The following YPEL2 variants were observed in gnomAD, a reference collection of about 807,000 sequenced individuals.
YPEL2 encodes the protein yippee like 2, also known as protein yippee-like 2.
YPEL2 carries 2 observed loss-of-function variants against 19.1 expected under a neutral mutation model. That is an observed-to-expected ratio of 0.10 (90% CI 0.04 to 0.33). The LOEUF (loss-of-function observed/expected upper bound fraction) is 0.33, where lower values mean the gene tolerates loss of function less well. Among genes scored for constraint, YPEL2 ranks in the 10% least tolerant of loss-of-function variants. YPEL2 has a pLI of 1.00. For synonymous variants in YPEL2, 52 were observed against 50.0 expected (o/e 1.04, Z -0.17); for missense variants, 66 against 140.7 (o/e 0.47, Z 2.68).
chr17:59,363,723 A>G (rs549546579), intron 2 of YPEL2, among the ~76,000 whole-genome samples: 1 of 152,232 alleles, frequency 6.6e-6, no homozygotes, highest in Non-Finnish European at 1.5e-5. Flanking sequence ...GATTAAGGCC[A>G]TAGGTTACCA....
chr17:59,347,645 G>A (rs992758345), intron 1 of YPEL2, among the ~76,000 whole-genome samples: 1 of 152,216 alleles, frequency 6.6e-6, no homozygotes, highest in African/African-American at 2.4e-5. Context: ...CCTCTTAGAA[G>A]GACCTCAATA....
chr17:59,338,705 T>G (rs985017900), intron 1 of YPEL2, among the ~76,000 whole-genome samples: 2 of 152,184 alleles, frequency 1.3e-5, no homozygotes. Context: ...GGGAGTGGAC[T>G]GTGACTTCCT....
intron 1 of YPEL2, among the ~76,000 whole-genome samples, chr17:59,351,323 C>G (rs1045383171): frequency 1.3e-5 from 2 of 151,810 alleles, no homozygotes; most frequent in Non-Finnish European, 2.9e-5. Context: ...TGCCGTGAGC[C>G]GAGATCATGC....
intron 4 of YPEL2, among the ~76,000 whole-genome samples, chr17:59,389,937 G>A (rs1464880941): frequency 6.6e-6 from 1 of 152,078 alleles, no homozygotes; most frequent in Non-Finnish European, 1.5e-5. Context: ...CTCAAAGGAC[G>A]TGACCATGTA....
chr17:59,334,315 G>C (rs940392018), intron 1 of YPEL2, among the ~76,000 whole-genome samples: 6 of 148,224 alleles, frequency 4.0e-5, no homozygotes, highest in African/African-American at 1.5e-4. Context: ...TGAAGAAGAG[G>C]TTGATTTTGT....
At chr17:59,333,542 C>G (rs184452480) in intron 1 of YPEL2, among the ~76,000 whole-genome samples, 1 of 152,162 alleles carries the variant, frequency 6.6e-6, no homozygotes, top group Admixed American at 6.5e-5. Context: ...GCATACAGGT[C>G]TGTAACTGAA....
chr17:59,332,150 G>A (rs559113663), intron 1 of YPEL2, among the ~76,000 whole-genome samples: 1 of 152,212 alleles, frequency 6.6e-6, no homozygotes, highest in Admixed American at 6.5e-5. Context: ...GTTTGGGGCG[G>A]GGGTGCGGAG....
chr17:59,388,338 A>G lies in YPEL2; in HGVS notation c.129A>G (p.Gly43=), dbSNP rs1367030790. 2 of 1,614,180 alleles carry G rather than the reference A, an allele frequency of 1.2e-6. No homozygotes were observed. The highest frequency in any genetic ancestry group is 2.2e-5 in the East Asian group (1 of 44,884). Residue 43 remains glycine (G), a synonymous_variant, in exon 3 of 5, where the codon GGA becomes GGG. Coordinates refer to ENST00000312655, the MANE Select transcript of YPEL2 (RefSeq NM_001005404.4). ...TTCTTGCATTTCAGTCATTCCAAGG[A>G]AGTCAAGGACGAGCATACCTCTTTA... ...HDELISKSFQ[G]SQGRAYLFNS...
intron 1 of YPEL2, among the ~76,000 whole-genome samples, chr17:59,337,081 AT>A (rs1458203021): frequency 1.1e-4 from 16 of 152,294 alleles, no homozygotes; most frequent in African/African-American, 3.6e-4. Flanking sequence ...ACTGTCAGAA[AT>A]AGCTTTATAT....
intron 2 of YPEL2, among the ~76,000 whole-genome samples, chr17:59,370,615 C>A (rs1862545045): frequency 6.6e-6 from 1 of 152,270 alleles, no homozygotes; most frequent in East Asian, 1.9e-4. Context: ...CTGTCTGCCT[C>A]GCTTTGAAAT....
chr17:59,394,392 C>T (rs1198864321), intron 4 of YPEL2, among the ~76,000 whole-genome samples: 9 of 138,600 alleles, frequency 6.5e-5, no homozygotes, highest in South Asian at 2.3e-4. Context: ...GGGGCAGAGG[C>T]GCTCCCCACA....
In YPEL2 at chr17:59,401,203, G is replaced by GT. The variant is rs2048069395; in HGVS notation, c.*4013_*4014insT. The GT allele has an allele frequency of 6.6e-6, 1 of 151,984 alleles. No individual in the cohort carries two copies. The allele number at this position is 151,984 out of a possible 1,614,324, so 9.4% of individuals were successfully genotyped here. ...CAGATTGCCTCAGGTTTAGAAAGAG[G>GT]CTGAGAAATCAAATCTTGAACACAA... On this transcript the variant is annotated 3_prime_UTR_variant, in exon 5 of 5. Coordinates refer to ENST00000312655, the MANE Select transcript of YPEL2 (RefSeq NM_001005404.4).
At chr17:59,349,009 C>G (rs541482183) in intron 1 of YPEL2, among the ~76,000 whole-genome samples, 41 of 151,980 alleles carry the variant, frequency 2.7e-4, no homozygotes, top group African/African-American at 9.6e-4. Flanking sequence ...CCCGTCTCTA[C>G]TAAAAATACA....
At chr17:59,368,677 G>C (rs950110952) in intron 2 of YPEL2, among the ~76,000 whole-genome samples, 1 of 152,216 alleles carries the variant, frequency 6.6e-6, no homozygotes, top group Non-Finnish European at 1.5e-5. Context: ...TAGGGAAGCA[G>C]GTCAGGGTGG....
rs541454335 is a variant in YPEL2 at position 59,356,474 on chromosome 17, C to G, written c.117+2948C>G. The stretch of plus-strand genomic sequence containing the variant: ...GAAAGTTTTTAAAAACAAATGGAGT[C>G]TGTATTGCCATGGTGGTGGAAAGAA... On this transcript the variant is annotated intron_variant, in intron 2 of 4. Coordinates refer to ENST00000312655, the MANE Select transcript of YPEL2 (RefSeq NM_001005404.4). Among the ~76,000 whole-genome samples, 6 of 152,254 alleles carry G rather than the reference C, an allele frequency of 3.9e-5. No homozygotes were observed. The South Asian group carries it at 1.2e-3, about 32-fold the overall frequency.
chr17:59,369,912 T>C (rs565372728), intron 2 of YPEL2, among the ~76,000 whole-genome samples: 5 of 152,330 alleles, frequency 3.3e-5, no homozygotes, highest in Non-Finnish European at 5.9e-5. Context: ...GCTAGGCATG[T>C]TATATGTGAA....
At chr17:59,345,317 G>C (rs763598597) in intron 1 of YPEL2, 7 of 152,206 alleles carry the variant, frequency 4.6e-5, no homozygotes, top group Admixed American at 6.5e-5. Flanking sequence ...TTATGAAGGA[G>C]CGTGGTTTCT....
intron 2 of YPEL2, 49 bp from the exon 3 acceptor site, chr17:59,388,278 G>C: frequency 6.2e-7 from 1 of 1,605,212 alleles, no homozygotes; most frequent in Non-Finnish European, 8.5e-7. Context: ...TTCCCAAACA[G>C]ATAGGTGAAA....
chr17:59,354,927 T>C (rs893282555), intron 2 of YPEL2: 4 of 151,640 alleles, frequency 2.6e-5, no homozygotes, highest in Non-Finnish European at 2.9e-5. Flanking sequence ...TCTTGGACGT[T>C]GGAATTGGGT....
Sources: allele counts gnomAD v4.1 joint callset (sites outside exome capture counted in the v4.1 genomes callset), GRCh38; gene constraint gnomAD v4.1.1; transcripts MANE v1.5; gene names NCBI Gene and HGNC (gene_info 2026-07-23, HGNC 2026-07-21).